The following SMAD2 variants were observed in gnomAD, a reference collection of about 807,000 sequenced individuals.
SMAD2 encodes the protein MAD homolog 2.
Under a neutral mutation model 64.4 loss-of-function variants are expected in SMAD2, and 8 were observed. The ratio of observed to expected loss-of-function variants is 0.12; its 90% CI spans 0.07 to 0.22. The LOEUF (loss-of-function observed/expected upper bound fraction) is 0.22. Among genes scored for constraint, SMAD2 ranks in the 10% least tolerant of loss-of-function variants. The pLI is 1.00. For synonymous variants in SMAD2, 203 were observed against 195.8 expected, an observed-to-expected ratio of 1.04 and a Z score of -0.31; for missense variants, 289 against 561.2, an observed-to-expected ratio of 0.51 and a Z score of 4.90.
chr18:47,838,422 G>A lies in SMAD2; in HGVS notation c.*3405C>T, dbSNP rs1466222516. On this transcript the variant is annotated 3_prime_UTR_variant, in exon 11 of 11. Coordinates refer to ENST00000262160, the MANE Select transcript of SMAD2 (RefSeq NM_005901.6). ...AGACCAAGCACAGCTCAAGGGTCAG[G>A]GCCCCGTCCTAGTCATCTTTTTATT... 4.3e-6 allele frequency: 1 copy of A among 233,158 alleles called. No homozygotes were observed. Among genetic ancestry groups the A allele is most frequent in the Non-Finnish European group, 8.5e-6 (1 of 118,032 alleles). 14.4% of individuals were successfully genotyped at this position (233,158 alleles called of 1,614,324 possible).
intron 6 of SMAD2, among the ~76,000 whole-genome samples, chr18:47,863,615 G>A (rs1323589296): frequency 2.6e-5 from 4 of 152,020 alleles, no homozygotes; most frequent in Admixed American, 6.6e-5. Flanking sequence ...GTTGCCACAC[G>A]TCATGCTATA....
intron 6 of SMAD2, among the ~76,000 whole-genome samples, chr18:47,864,597 G>A (rs769134193): frequency 2.6e-5 from 4 of 152,064 alleles, no homozygotes; most frequent in African/African-American, 7.2e-5. Context: ...GGAGTTGATA[G>A]CTAAGCATAA....
At chr18:47,896,872 T>C (rs751957362) in intron 1 of SMAD2, 63 bp from the exon 2 acceptor site, 30 of 1,457,976 alleles carry the variant, frequency 2.1e-5, no homozygotes, top group Non-Finnish European at 2.7e-5. Flanking sequence ...TAATTTCAAC[T>C]TATCATAGAA....
intron 6 of SMAD2, among the ~76,000 whole-genome samples, chr18:47,859,968 C>G (rs561350877): frequency 1.3e-5 from 2 of 152,270 alleles, no homozygotes; most frequent in African/African-American, 4.8e-5. Flanking sequence ...AATCCTATCT[C>G]TAAATAAAAC....
chr18:47,875,002 T>C (rs933170849), intron 2 of SMAD2, among the ~76,000 whole-genome samples: 6 of 152,144 alleles, frequency 3.9e-5, no homozygotes, highest in Non-Finnish European at 8.8e-5. Flanking sequence ...GCACATTACT[T>C]CCTATACTGC....
chr18:47,897,065 T>C (rs769135948), intron 1 of SMAD2, among the ~76,000 whole-genome samples: 1 of 152,230 alleles, frequency 6.6e-6, no homozygotes, highest in Non-Finnish European at 1.5e-5. Flanking sequence ...AATCAGATAC[T>C]TTTAACGATT....
At chr18:47,862,169 A>T (rs1172389294) in intron 6 of SMAD2, among the ~76,000 whole-genome samples, 1 of 152,184 alleles carries the variant, frequency 6.6e-6, no homozygotes, top group African/African-American at 2.4e-5. Flanking sequence ...TTCAATTTCT[A>T]ATTTTTGTAT....
At chr18:47,916,201 T>A (rs1321716125) in intron 1 of SMAD2, among the ~76,000 whole-genome samples, 1 of 152,240 alleles carries the variant, frequency 6.6e-6, no homozygotes, top group Non-Finnish European at 1.5e-5. Flanking sequence ...TTGGTGAGAA[T>A]GCAGCCTATA....
intron 6 of SMAD2, among the ~76,000 whole-genome samples, chr18:47,854,158 T>C (rs1466904163): frequency 1.3e-5 from 2 of 152,200 alleles, no homozygotes; most frequent in Non-Finnish European, 2.9e-5. Context: ...AATGCTGCTA[T>C]TGGAGTCTCA....
rs1568017656 is a variant in SMAD2 at position 47,830,926 on chromosome 18, T to C, written c.*10901A>G. 5 of 152,652 alleles carry C rather than the reference T, an allele frequency of 3.3e-5. No individual in the cohort carries two copies. 9.5% of individuals were successfully genotyped at this position (152,652 alleles called of 1,614,324 possible). On this transcript the variant is annotated 3_prime_UTR_variant, in exon 11 of 11. Coordinates refer to ENST00000262160, the MANE Select transcript of SMAD2 (RefSeq NM_005901.6). Reference sequence around the variant, plus strand: ...CTTCTCTAGATGAATCATCTTTGGCTGTGAGCAAAAAAGTTAACTAAGTTT... The same window carrying C: ...CTTCTCTAGATGAATCATCTTTGGCCGTGAGCAAAAAAGTTAACTAAGTTT...
chr18:47,914,981 T>G (rs12969725), intron 1 of SMAD2, among the ~76,000 whole-genome samples: 66,528 of 152,034 alleles, frequency 0.44, 15,567 homozygotes, highest in East Asian at 0.59. Flanking sequence ...GTTGCATATT[T>G]TCTCCATAAA....
rs1213437087 is a variant in SMAD2, at chr18:47,809,807, G to C, written c.*32020C>G. On this transcript the variant is annotated 3_prime_UTR_variant, in exon 11 of 11. Coordinates refer to ENST00000262160, the MANE Select transcript of SMAD2 (RefSeq NM_005901.6). ...CCACTATGTACCTGTTACTTGGGTG[G>C]AGATTTCTTTTTAATTCTCCAACCA... 1 of 152,144 alleles carries C rather than the reference G, an allele frequency of 6.6e-6. No homozygotes were observed. Among genetic ancestry groups the C allele is most frequent in the Non-Finnish European group, 1.5e-5 (1 of 68,040 alleles). The allele number at this position is 152,144 out of a possible 1,614,324, so 9.4% of individuals were successfully genotyped here.
rs1177349912 is a variant in SMAD2 at position 47,813,996 on chromosome 18, G to A, written c.*27831C>T. ...GGGGAGGGAAAGAAAAGTCTGTGGT[G>A]GAGGTGATAACCTGAACTTGGCTTT... On this transcript the variant is annotated 3_prime_UTR_variant, in exon 11 of 11. Coordinates refer to ENST00000262160, the MANE Select transcript of SMAD2 (RefSeq NM_005901.6). The A allele has an allele frequency of 6.6e-6, 1 of 152,148 alleles. No individual in the cohort carries two copies. The highest frequency in any genetic ancestry group is 1.5e-5 in the Non-Finnish European group (1 of 68,058). The allele number at this position is 152,148 out of a possible 1,614,324, so 9.4% of individuals were successfully genotyped here.
intron 1 of SMAD2, among the ~76,000 whole-genome samples, chr18:47,898,187 G>A (rs1025399311): frequency 3.3e-5 from 5 of 152,194 alleles, no homozygotes; most frequent in Non-Finnish European, 7.4e-5. Context: ...TGCTGGAGAA[G>A]ATGTGAAGAA....
chr18:47,883,606 T>C (rs543182500), intron 2 of SMAD2, among the ~76,000 whole-genome samples: 1 of 152,364 alleles, frequency 6.6e-6, no homozygotes, highest in East Asian at 1.9e-4. Flanking sequence ...CCATTAATTC[T>C]ACCCAGTTTT....
intron 8 of SMAD2, among the ~76,000 whole-genome samples, chr18:47,846,967 G>A (rs1478827747): frequency 6.6e-6 from 1 of 152,126 alleles, no homozygotes; most frequent in Admixed American, 6.5e-5. Flanking sequence ...CTGTAAAACA[G>A]TCATGCACGT....
At chr18:47,912,508 G>C (rs531396605) in intron 1 of SMAD2, 1 of 152,412 alleles carries the variant, frequency 6.6e-6, no homozygotes, top group South Asian at 2.1e-4. Flanking sequence ...ATGGCCAGGA[G>C]GCAGCATAAA....
At chr18:47,922,233 A>C (rs898970022) in intron 1 of SMAD2, among the ~76,000 whole-genome samples, 2 of 152,248 alleles carry the variant, frequency 1.3e-5, no homozygotes, top group Non-Finnish European at 2.9e-5. Context: ...AACCAAAGTT[A>C]ATTATTTCAA....
At chr18:47,872,462 T>C (rs1443790684) in intron 2 of SMAD2, among the ~76,000 whole-genome samples, 4 of 152,126 alleles carry the variant, frequency 2.6e-5, no homozygotes, top group Non-Finnish European at 2.9e-5. Flanking sequence ...CAATATGGTA[T>C]AACAACTATT....
Sources: allele counts gnomAD v4.1 joint callset (sites outside exome capture counted in the v4.1 genomes callset), GRCh38; gene constraint gnomAD v4.1.1; transcripts MANE v1.5; gene names NCBI Gene and HGNC (gene_info 2026-07-23, HGNC 2026-07-21).